The following GPR137B variants were observed in gnomAD, a reference collection of about 807,000 sequenced individuals.
GPR137B encodes integral membrane protein GPR137B.
GPR137B carries 42 observed loss-of-function variants against 42.5 expected under a neutral mutation model. The observed-to-expected ratio is 0.99, with a 90% CI of 0.77 to 1.28. The LOEUF (loss-of-function observed/expected upper bound fraction) is 1.28, where lower values mean the gene tolerates loss of function less well. GPR137B is among the 50% of genes most tolerant of loss of function. The pLI is 0.00. For missense variants in GPR137B, 487 were observed against 493.9 expected, an observed-to-expected ratio of 0.99 and a Z score of 0.13; for synonymous variants, 218 against 209.7, an observed-to-expected ratio of 1.04 and a Z score of -0.34.
chr1:236,163,241 G>A (rs113542345), intron 1 of GPR137B, among the ~76,000 whole-genome samples: 1 of 152,170 alleles, frequency 6.6e-6, no homozygotes, highest in Non-Finnish European at 1.5e-5. Context: ...CTCCCACTTG[G>A]AACGGCTGTA....
intron 5 of GPR137B, among the ~76,000 whole-genome samples, chr1:236,197,236 G>GT (rs935794010): frequency 1.1e-4 from 16 of 150,736 alleles, no homozygotes; most frequent in South Asian, 4.2e-4. Context: ...GGGATTAGTT[G>GT]TTTTTTTTTC....
chr1:236,208,020 A>T, intron 6 of GPR137B, 30 bp from the exon 7 acceptor site: 1 of 1,529,072 alleles, frequency 6.5e-7, no homozygotes, highest in Non-Finnish European at 9.0e-7. Flanking sequence ...ATAATGTTTC[A>T]AGTCACTGAA....
chr1:236,194,058 CT>C lies in GPR137B; in HGVS notation c.966+10156del, dbSNP rs1663270525. ...TAATTGAAATTTTGAATTTTTTAATCTTTTCCTAGGCTAACAATATGGGGTA... is the reference window on the plus strand; with the variant it reads ...TAATTGAAATTTTGAATTTTTTAATCTTTCCTAGGCTAACAATATGGGGTA... On this transcript the variant is annotated intron_variant, in intron 5 of 6. Transcript: ENST00000366592. Among the ~76,000 whole-genome samples, 6 of 152,240 alleles carry C rather than the reference CT, an allele frequency of 3.9e-5. No homozygotes were observed. The South Asian group carries it at 1.2e-3, about 32-fold the overall frequency.
chr1:236,201,138 G>A (rs1048176342), intron 5 of GPR137B, among the ~76,000 whole-genome samples: 6 of 151,976 alleles, frequency 3.9e-5, no homozygotes, highest in African/African-American at 1.5e-4. Flanking sequence ...TATTTTGTTT[G>A]AAGAGGCTAA....
rs1002222657 is a variant in GPR137B, at chr1:236,150,494, G to A, written c.414+7458G>A. Reference sequence around the variant, plus strand: ...TCTCTCTGCAGCTGAGGCTGTGACCGCATCAGTGCCTCGGTGATGCCCTGC... The same window carrying A: ...TCTCTCTGCAGCTGAGGCTGTGACCACATCAGTGCCTCGGTGATGCCCTGC... On this transcript the variant is annotated intron_variant, in intron 1 of 6. Transcript: ENST00000366592. This position sits in a 1 kb window ranked among gnomAD's most constrained non-coding sequence, Gnocchi z 6.2. Among the ~76,000 whole-genome samples, 8 of 152,268 alleles carry A rather than the reference G, an allele frequency of 5.3e-5. 1 individual carries two copies. In the South Asian group the frequency reaches 6.2e-4, roughly 12 times the overall value.
At chr1:236,160,222 CCTT>C (rs1441480070) in intron 1 of GPR137B, among the ~76,000 whole-genome samples, 6 of 152,238 alleles carry the variant, frequency 3.9e-5, no homozygotes, top group Non-Finnish European at 7.3e-5. Context: ...GTCCTCCCAT[CCTT>C]CTTGCCACAA....
At chr1:236,194,946 C>T (rs776001061) in intron 5 of GPR137B, among the ~76,000 whole-genome samples, 1 of 152,090 alleles carries the variant, frequency 6.6e-6, no homozygotes, top group Non-Finnish European at 1.5e-5. Context: ...TTTATTCTGG[C>T]TAATTTGGGC....
At chr1:236,151,883 C>T (rs998674398) in intron 1 of GPR137B, among the ~76,000 whole-genome samples, 13 of 152,150 alleles carry the variant, frequency 8.5e-5, no homozygotes, top group African/African-American at 3.1e-4. Context: ...GCTGCCACAG[C>T]TTCTTTGTAG....
At chr1:236,181,920 G>T (rs1435459400) in intron 4 of GPR137B, among the ~76,000 whole-genome samples, 2 of 43,166 alleles carry the variant, frequency 4.6e-5, no homozygotes, top group African/African-American at 1.6e-4. Context: ...TTGAGACGGA[G>T]TCTCTCTCTG....
intron 2 of GPR137B, among the ~76,000 whole-genome samples, chr1:236,176,489 T>A (rs891980776): frequency 9.2e-5 from 14 of 152,152 alleles, no homozygotes; most frequent in Middle Eastern, 3.4e-3. Context: ...CTGAGCTGCT[T>A]GGGGGCCCGG....
intron 1 of GPR137B, among the ~76,000 whole-genome samples, chr1:236,149,692 G>C (rs1661785589): frequency 6.6e-6 from 1 of 152,262 alleles, no homozygotes; most frequent in African/African-American, 2.4e-5. Flanking sequence ...GAAGTAAGAG[G>C]CTTAGGAAAC....
At chr1:236,182,405 A>C (rs954101009) in intron 4 of GPR137B, among the ~76,000 whole-genome samples, 3 of 152,072 alleles carry the variant, frequency 2.0e-5, no homozygotes, top group Admixed American at 1.3e-4. Flanking sequence ...CTATATATGG[A>C]GGAGTGGCCA....
rs543457544 is a variant in GPR137B at position 236,166,942 on chromosome 1, T to G, written c.415-1764T>G. Among the ~76,000 whole-genome samples the G allele has an allele frequency of 1.8e-3, 275 of 152,128 alleles. 2 individuals carry two copies. Among genetic ancestry groups the G allele is most frequent in the African/African-American group, 6.5e-3 (271 of 41,514 alleles). ...AGAAGCAGCGGAGAGTAGATGTGAC[T>G]GGGGGATTCATGAGGGAGAGGAGGA... On this transcript the variant is annotated intron_variant, in intron 1 of 6. Coordinates refer to ENST00000366592, the MANE Select transcript of GPR137B (RefSeq NM_003272.4).
intron 1 of GPR137B, among the ~76,000 whole-genome samples, chr1:236,149,066 A>G (rs1661762593): frequency 6.6e-6 from 1 of 152,160 alleles, no homozygotes; most frequent in Non-Finnish European, 1.5e-5. Flanking sequence ...TGTGTTGCCT[A>G]CAGCTCTGAA....
intron 1 of GPR137B, among the ~76,000 whole-genome samples, chr1:236,162,597 A>G (rs1055227811): frequency 6.6e-6 from 1 of 152,170 alleles, no homozygotes; most frequent in Admixed American, 6.5e-5. Context: ...TGTGCAGCCT[A>G]GGGACTTCGT....
At chr1:236,158,689 C>T (rs1230128556) in intron 1 of GPR137B, among the ~76,000 whole-genome samples, 1 of 152,148 alleles carries the variant, frequency 6.6e-6, no homozygotes, top group Non-Finnish European at 1.5e-5. Flanking sequence ...TCAGTTACTG[C>T]GAGGGTCTCC....
intron 5 of GPR137B, among the ~76,000 whole-genome samples, chr1:236,200,628 A>G (rs193191158): frequency 4.6e-5 from 7 of 152,104 alleles, no homozygotes; most frequent in African/African-American, 1.4e-4. Context: ...TTGATGCTTT[A>G]AAGTCTATTT....
chr1:236,190,148 C>CTTTTTTTTTTTT (rs34520510), intron 5 of GPR137B, among the ~76,000 whole-genome samples: 8 of 119,398 alleles, frequency 6.7e-5, no homozygotes, highest in Non-Finnish European at 1.2e-4. Context: ...CCTGCTTCTT[C>CTTTTTTTTTTTT]TTTTTTTTTT....
In GPR137B at chr1:236,142,742, C is replaced by A. The variant is rs1168972011; in HGVS notation, c.120C>A (p.Tyr40Ter). 6.2e-7 allele frequency: 1 copy of A among 1,607,652 alleles called. No homozygotes were observed. Among genetic ancestry groups the A allele is most frequent in the African/African-American group, 1.4e-5 (1 of 73,594 alleles). The part of the protein sequence containing the change: ...PPTLTPAVPP[Y>*]VKLGLTVVYT... ...CGCTGACCCCGGCCGTGCCCCCCTA[C>A]GTGAAGCTTGGCCTCACCGTCGTCT... The change falls in exon 1 of 7, where the codon TAC (tyrosine) becomes TAA (stop). Residue 40 changes from tyrosine (Y) to a stop codon, truncating the protein, a stop_gained. Coordinates refer to ENST00000366592, the MANE Select transcript of GPR137B (RefSeq NM_003272.4). LOFTEE classifies it high-confidence loss of function.
Sources: allele counts gnomAD v4.1 joint callset (sites outside exome capture counted in the v4.1 genomes callset), GRCh38; gene constraint gnomAD v4.1.1; non-coding constraint Gnocchi (gnomAD v3.1); transcripts MANE v1.5; gene names NCBI Gene and HGNC (gene_info 2026-07-23, HGNC 2026-07-21).